Variants in SYT14 observed in about 807,000 individuals in gnomAD.
SYT14 encodes synaptotagmin-14.
Under a neutral mutation model 74.2 loss-of-function variants are expected in SYT14, and 32 were observed. The observed-to-expected ratio is 0.43, with a 90% CI of 0.33 to 0.58. The LOEUF (loss-of-function observed/expected upper bound fraction) is 0.58. SYT14 is among the 20% of genes least tolerant of loss of function. The probability of loss-of-function intolerance (pLI) is 0.05; values close to 1 mark genes in which losing one functional copy is unlikely to be tolerated. For synonymous variants in SYT14, 298 were observed against 337.7 expected (o/e 0.88, Z 1.29); for missense variants, 791 against 981.8 (o/e 0.81, Z 2.60).
intron 5 of SYT14, among the ~76,000 whole-genome samples, chr1:210,039,409 A>C (rs755469430): frequency 1.3e-5 from 2 of 152,080 alleles, no homozygotes; most frequent in Admixed American, 1.3e-4. Flanking sequence ...ACTTAAACGT[A>C]AGACCTAAAA....
intron 2 of SYT14, among the ~76,000 whole-genome samples, chr1:209,976,955 T>A (rs544924248): frequency 0.018 from 2,753 of 152,298 alleles, 34 homozygotes; most frequent in Non-Finnish European, 0.03. Flanking sequence ...TTTACCATTA[T>A]GTAATGGCCT....
At chr1:210,121,793 CAA>C (rs71146207) in intron 7 of SYT14, among the ~76,000 whole-genome samples, 24 of 92,474 alleles carry the variant, frequency 2.6e-4, no homozygotes, top group South Asian at 3.2e-4. Context: ...GACCCCATTT[CAA>C]AAAAAAAAAA....
At chr1:210,035,127 C>T (rs72649938) in intron 5 of SYT14, among the ~76,000 whole-genome samples, 7,649 of 151,790 alleles carry the variant, frequency 0.05, 1,056 homozygotes, top group East Asian at 0.42. Context: ...TCCACATCCT[C>T]GCCAACATGT....
chr1:209,967,462 A>C (rs1378919121), intron 2 of SYT14, among the ~76,000 whole-genome samples: 2 of 151,998 alleles, frequency 1.3e-5, no homozygotes, highest in Non-Finnish European at 2.9e-5. Context: ...TCTTTATGGG[A>C]AGGTTTTTAA....
chr1:210,089,557 T>G (rs2081819638), intron 5 of SYT14, among the ~76,000 whole-genome samples: 1 of 152,236 alleles, frequency 6.6e-6, no homozygotes, highest in Admixed American at 6.5e-5. Context: ...TTCTGACTTT[T>G]TAATGATTGA....
At chr1:210,088,344 C>T (rs1189744977) in intron 5 of SYT14, among the ~76,000 whole-genome samples, 3 of 152,028 alleles carry the variant, frequency 2.0e-5, no homozygotes, top group Admixed American at 6.6e-5. Flanking sequence ...TGCTATCCCT[C>T]CCCTAGCCTC....
At chr1:210,089,504 A>G (rs1472847391) in intron 5 of SYT14, among the ~76,000 whole-genome samples, 1 of 152,180 alleles carries the variant, frequency 6.6e-6, no homozygotes, top group Non-Finnish European at 1.5e-5. Context: ...CAACAGTGTA[A>G]AAGCATTCCT....
intron 6 of SYT14, among the ~76,000 whole-genome samples, chr1:210,099,564 A>C (rs535396609): frequency 6.6e-6 from 1 of 152,260 alleles, no homozygotes; most frequent in South Asian, 2.1e-4. Flanking sequence ...ACAATCTCTG[A>C]AAACGGAACC....
intron 3 of SYT14, among the ~76,000 whole-genome samples, chr1:210,015,520 T>A (rs1235782642): frequency 1.3e-5 from 2 of 152,214 alleles, no homozygotes; most frequent in Non-Finnish European, 2.9e-5. Context: ...TCCCCTATTC[T>A]TACCACTATG....
rs377692836 is a variant in SYT14, at chr1:209,983,043, G to GT, written c.-486+30298dup. Among the ~76,000 whole-genome samples the GT allele has an allele frequency of 2.1e-3, 297 of 143,718 alleles. 5 individuals are homozygous for GT. In the South Asian group the frequency reaches 0.037, roughly 18 times the overall value. 94.3% of individuals were successfully genotyped at this position (143,718 alleles called of 152,430 possible). A position where few individuals can be genotyped will look rare whatever the true frequency, so the allele number is the denominator to read the frequency against. On this transcript the variant is annotated intron_variant, in intron 2 of 9. Coordinates refer to ENST00000637265, the Ensembl canonical transcript of SYT14. Reference sequence around the variant, plus strand: ...CTTTGGCCCATTTATTCATCAGGCTGTTTTTTTTTTTATTGTTGAGTTTTA... The same window carrying GT: ...CTTTGGCCCATTTATTCATCAGGCTGTTTTTTTTTTTTATTGTTGAGTTTTA...
chr1:210,016,378 G>A, exon 4 of SYT14: 2 of 1,231,958 alleles, frequency 1.6e-6, no homozygotes, highest in Non-Finnish European at 2.0e-6. Context: ...TTAATGATAG[G>A]CAACAAACTC....
At chr1:210,005,965 G>T (rs1157431247) in intron 2 of SYT14, among the ~76,000 whole-genome samples, 1 of 151,776 alleles carries the variant, frequency 6.6e-6, no homozygotes, top group Non-Finnish European at 1.5e-5. Context: ...TACTTAGAGG[G>T]AATACAGGTT....
intron 5 of SYT14, 104 bp downstream of exon 4, chr1:210,021,358 C>T (rs2080299932): frequency 1.9e-6 from 2 of 1,030,474 alleles, no homozygotes; most frequent in Non-Finnish European, 3.0e-6. Context: ...CAAGAGAGCA[C>T]ATACAGTACA....
intron 8 of SYT14, among the ~76,000 whole-genome samples, chr1:210,157,573 C>A (rs2083293515): frequency 6.6e-6 from 1 of 151,908 alleles, no homozygotes; most frequent in South Asian, 2.1e-4. Context: ...GAAACCCCAT[C>A]TCTACTAAAA....
intron 2 of SYT14, among the ~76,000 whole-genome samples, chr1:209,996,147 A>G (rs2079786176): frequency 6.6e-6 from 1 of 152,134 alleles, no homozygotes; most frequent in Non-Finnish European, 1.5e-5. Context: ...ATTTAATGAA[A>G]TTGAGCTACA....
intron 7 of SYT14, among the ~76,000 whole-genome samples, chr1:210,147,687 A>C (rs1037288622): frequency 6.6e-6 from 1 of 152,214 alleles, no homozygotes; most frequent in Non-Finnish European, 1.5e-5. Flanking sequence ...GAGAGAGATA[A>C]ACATAATACA....
At chr1:210,076,622 T>C (rs2081505713) in intron 5 of SYT14, among the ~76,000 whole-genome samples, 1 of 152,200 alleles carries the variant, frequency 6.6e-6, no homozygotes, top group Non-Finnish European at 1.5e-5. Context: ...GGCTCATGGT[T>C]CTGTACAGGA....
intron 5 of SYT14, among the ~76,000 whole-genome samples, chr1:210,072,150 T>TAC (rs1491433489): frequency 6.8e-6 from 1 of 148,078 alleles, no homozygotes; most frequent in African/African-American, 2.5e-5. Flanking sequence ...TATATATATA[T>TAC]ACTATTTTTT....
chr1:209,975,627 TG>T (rs1372737554), intron 2 of SYT14, among the ~76,000 whole-genome samples: 1 of 152,224 alleles, frequency 6.6e-6, no homozygotes, highest in African/African-American at 2.4e-5. Context: ...TGAGGATTTT[TG>T]TATCAATGTT....
Sources: gnomAD v4.1 joint callset for allele counts (sites outside exome capture counted in the v4.1 genomes callset) on GRCh38, gnomAD v4.1.1 for gene constraint, MANE v1.5 for transcripts, NCBI Gene and HGNC (gene_info 2026-07-23, HGNC 2026-07-21) for gene names.